Variants in GNGT2 observed in about 807,000 individuals in gnomAD.
The protein encoded by GNGT2 is G protein subunit gamma transducin 2, also known as guanine nucleotide-binding protein G(I)/G(S)/G(O) subunit gamma-T2.
A neutral mutation model predicts 3.5 loss-of-function variants in GNGT2; 4 were observed. The ratio of observed to expected loss-of-function variants is 1.13; its 90% CI spans 0.56 to 2.59. GNGT2 has a LOEUF of 2.59. GNGT2 is among the 30% of genes most tolerant of loss of function. The pLI, the probability that GNGT2 is intolerant of heterozygous loss-of-function variation, is 0.02. For missense variants in GNGT2, 64 were observed against 81.2 expected, an observed-to-expected ratio of 0.79 and a Z score of 0.82; for synonymous variants, 31 against 29.5, an observed-to-expected ratio of 1.05 and a Z score of -0.17.
In GNGT2 at chr17:49,206,610, T is replaced by A; in HGVS notation, c.*147A>T. 1.5e-6 allele frequency: 1 copy of A among 678,396 alleles called. No individual in the cohort carries two copies. The highest frequency in any genetic ancestry group is 2.5e-6 in the Non-Finnish European group (1 of 407,110). 42.0% of individuals were successfully genotyped at this position (678,396 alleles called of 1,614,324 possible). A position where few individuals can be genotyped will look rare whatever the true frequency, so the allele number is the denominator to read the frequency against. ...GGGAGAAAAGAGTTGAAGGTGGGAG[T>A]GGGGAATGGGTTCACAATGCATTTG... On this transcript the variant is annotated 3_prime_UTR_variant, in exon 4 of 4. Transcript: ENST00000507680.
intron 1 of GNGT2, among the ~76,000 whole-genome samples, chr17:49,209,603 C>G (rs1408730284): frequency 2.0e-5 from 3 of 152,178 alleles, no homozygotes; most frequent in African/African-American, 7.2e-5. Context: ...TGAGCTCCTG[C>G]TCTGGTTGAC....
At chr17:49,207,874 AG>A (rs1333418222) in intron 2 of GNGT2, among the ~76,000 whole-genome samples, 5 of 152,176 alleles carry the variant, frequency 3.3e-5, no homozygotes, top group Non-Finnish European at 7.4e-5. Context: ...GGTCAAGAGA[AG>A]GGGGTCTTGG....
At chr17:49,207,622 AG>A (rs1396890404) in intron 2 of GNGT2, among the ~76,000 whole-genome samples, 178 bp from the exon 3 acceptor site, 1 of 152,078 alleles carries the variant, frequency 6.6e-6, no homozygotes, top group African/African-American at 2.4e-5. Context: ...TCAGGAGGGG[AG>A]GAAGCTCCCA....
chr17:49,206,963 T>C, intron 3 of GNGT2, 81 bp from the exon 4 acceptor site: 5 of 1,487,722 alleles, frequency 3.4e-6, no homozygotes, highest in Non-Finnish European at 3.7e-6. Context: ...AAAACAGGCT[T>C]CTGGGCAGGG....
At chr17:49,206,925 C>A (rs1370542423) in intron 3 of GNGT2, 43 bp from the exon 4 acceptor site, 4 of 1,612,058 alleles carry the variant, frequency 2.5e-6, no homozygotes, top group Non-Finnish European at 2.5e-6. Flanking sequence ...GTTACTGTCT[C>A]TGGGTCCATG....
rs1437756840 is a variant in GNGT2 at position 49,206,289 on chromosome 17, T to C, written c.*468A>G. 6.4e-6 allele frequency: 1 copy of C among 155,416 alleles called. No homozygotes were observed. Among genetic ancestry groups the C allele is most frequent in the Admixed American group, 6.5e-5 (1 of 15,316 alleles). 9.6% of individuals were successfully genotyped at this position (155,416 alleles called of 1,614,324 possible). A position where few individuals can be genotyped will look rare whatever the true frequency, so the allele number is the denominator to read the frequency against. On this transcript the variant is annotated 3_prime_UTR_variant, in exon 4 of 4. Coordinates refer to ENST00000507680, the MANE Select transcript of GNGT2 (RefSeq NM_001198754.2). ...GGCCATCTGGGGTGATCTAAATGAC[T>C]AGGAACAGGACCATAGGGTAGGACA... is the stretch of plus-strand genomic sequence containing the variant.
At position 49,210,435 on chromosome 17, in the gene GNGT2, T is replaced by G. The variant is rs2043151500; in HGVS notation, c.-133+9A>C. The G allele has an allele frequency of 3.3e-6, 1 of 304,842 alleles. No homozygotes were observed. The highest frequency in any genetic ancestry group is 6.1e-6 in the Non-Finnish European group (1 of 163,068). The allele number at this position is 304,842 out of a possible 1,614,324, so 18.9% of individuals were successfully genotyped here. On this transcript the variant is annotated intron_variant, in intron 1 of 3. Transcript: ENST00000507680. The surrounding 1 kb of genome is among the most constrained non-coding windows in gnomAD (Gnocchi z 4.2). ...TCCAGGACCAGGGAGCAATCACAGC[T>G]GCCCCGACCTTGGCTTCCTCTGCTG...
intron 2 of GNGT2, 74 bp from the exon 3 acceptor site, chr17:49,207,518 C>A (rs2143493034): frequency 1.2e-6 from 1 of 815,866 alleles, no homozygotes; most frequent in Non-Finnish European, 2.2e-6. Flanking sequence ...CGACTTCTAG[C>A]ATCTTCCCTG....
rs189501677 is a variant in GNGT2 at position 49,206,907 on chromosome 17, A to G, written c.85-25T>C. 120 of 1,613,906 alleles carry G rather than the reference A, an allele frequency of 7.4e-5. No homozygotes were observed. In the East Asian group the frequency reaches 2.4e-3, roughly 32 times the overall value. The stretch of plus-strand genomic sequence containing the variant: ...TCTGCGAGAACACAAAAAATGTTTT[A>G]GGTCCTTGTTACTGTCTCTGGGTCC... On this transcript the variant is annotated intron_variant, in intron 3 of 3. Transcript: ENST00000507680.
In GNGT2 at chr17:49,210,460, G is replaced by C. The variant is rs1346256138; in HGVS notation, c.-149C>G. 7.9e-6 allele frequency: 3 copies of C among 380,144 alleles called. No individual in the cohort carries two copies. The highest frequency in any genetic ancestry group is 1.4e-5 in the Non-Finnish European group (3 of 208,708). 23.5% of individuals were successfully genotyped at this position (380,144 alleles called of 1,614,324 possible). Reference sequence around the variant, plus strand: ...TGCCCCGACCTTGGCTTCCTCTGCTGGGTGGGATTGGGGGCTGGGCCCCCA... The same window carrying C: ...TGCCCCGACCTTGGCTTCCTCTGCTCGGTGGGATTGGGGGCTGGGCCCCCA... On this transcript the variant is annotated 5_prime_UTR_variant, in exon 1 of 4. Transcript: ENST00000507680. The surrounding 1 kb of genome is among the most constrained non-coding windows in gnomAD (Gnocchi z 4.2).
At chr17:49,209,929 A>G (rs2043144558) in intron 1 of GNGT2, among the ~76,000 whole-genome samples, 1 of 152,160 alleles carries the variant, frequency 6.6e-6, no homozygotes, top group East Asian at 1.9e-4. Flanking sequence ...TAAAACCGCA[A>G]GTTGATCTGA....
At chr17:49,208,266 G>C (rs2043123063) in intron 2 of GNGT2, among the ~76,000 whole-genome samples, 1 of 152,068 alleles carries the variant, frequency 6.6e-6, no homozygotes, top group Non-Finnish European at 1.5e-5. Context: ...TTCGAGACTA[G>C]CCTCGCCAAC....
At chr17:49,208,480 G>C (rs533056583) in intron 2 of GNGT2, among the ~76,000 whole-genome samples, 1 of 151,144 alleles carries the variant, frequency 6.6e-6, no homozygotes, top group South Asian at 2.1e-4. Flanking sequence ...AAAAAAGAGA[G>C]AGAGAGAGAC....
At chr17:49,209,723 G>T (rs1449970824) in intron 1 of GNGT2, among the ~76,000 whole-genome samples, 3 of 152,140 alleles carry the variant, frequency 2.0e-5, no homozygotes, top group Admixed American at 2.0e-4. Context: ...CTTGGTGGTG[G>T]GAGGGGCAGA....
Position 49,206,716 on chromosome 17 carries a change from G to C in GNGT2, c.*41C>G, listed in dbSNP as rs1050250985. 5 of 1,580,698 alleles carry C rather than the reference G, an allele frequency of 3.2e-6. No homozygotes were observed. In the Admixed American group the frequency reaches 9.6e-5, roughly 30 times the overall value. On this transcript the variant is annotated 3_prime_UTR_variant, in exon 4 of 4. Coordinates refer to ENST00000507680, the MANE Select transcript of GNGT2 (RefSeq NM_001198754.2). ...CTGGGGGTCTAGGAGACTTGGGCTTGGCTGAAGAGGGACAGACACTCAGGG... is the reference window on the plus strand; with the variant it reads ...CTGGGGGTCTAGGAGACTTGGGCTTCGCTGAAGAGGGACAGACACTCAGGG...
intron 2 of GNGT2, among the ~76,000 whole-genome samples, chr17:49,208,330 G>A (rs1395680216): frequency 2.0e-5 from 3 of 151,620 alleles, no homozygotes; most frequent in Non-Finnish European, 2.9e-5. Flanking sequence ...GCGTGGTGGC[G>A]GGCACCTGTA....
At chr17:49,207,278 T>G in intron 3 of GNGT2, 61 bp downstream of exon 3, 9 of 1,240,132 alleles carry the variant, frequency 7.3e-6, no homozygotes, top group Non-Finnish European at 9.5e-6. Flanking sequence ...GGTCACTTCC[T>G]CCTTCCCGGG....
intron 3 of GNGT2, among the ~76,000 whole-genome samples, 159 bp from the exon 4 acceptor site, chr17:49,207,041 G>C (rs2043112899): frequency 6.6e-6 from 1 of 152,128 alleles, no homozygotes; most frequent in South Asian, 2.1e-4. Flanking sequence ...TGAGTTCCTT[G>C]ATCTGACCCA....
intron 3 of GNGT2, among the ~76,000 whole-genome samples, chr17:49,207,099 G>C (rs1173833215): frequency 6.6e-6 from 1 of 152,118 alleles, no homozygotes; most frequent in Non-Finnish European, 1.5e-5. Context: ...AGCCAGCCCA[G>C]ACACAGGGCT....
Sources: gnomAD v4.1 joint callset for allele counts (sites outside exome capture counted in the v4.1 genomes callset) on GRCh38, gnomAD v4.1.1 for gene constraint, Gnocchi (gnomAD v3.1) non-coding constraint, MANE v1.5 for transcripts, NCBI Gene and HGNC (gene_info 2026-07-23, HGNC 2026-07-21) for gene names.